The following PHRF1 variants were observed in gnomAD, a reference collection of about 807,000 sequenced individuals.
PHRF1 encodes the protein PHD and ring finger domains 1, also known as PHD and RING finger domain-containing protein 1.
In PHRF1, 53 loss-of-function variants were observed where a neutral mutation model predicts 128.9. The observed-to-expected ratio is 0.41, with a 90% CI of 0.33 to 0.52. PHRF1 has a LOEUF of 0.52. Ranked by LOEUF, PHRF1 falls within the 20% of genes least tolerant of loss-of-function variation. The pLI, the probability that PHRF1 is intolerant of heterozygous loss-of-function variation, is 0.21. For synonymous variants in PHRF1, 1,178 were observed against 980.6 expected, an observed-to-expected ratio of 1.20 and a Z score of -3.76; for missense variants, 2,503 against 2,284.5, an observed-to-expected ratio of 1.10 and a Z score of -1.95.
At chr11:580,173 A>C (rs1054859228) in intron 1 of PHRF1, among the ~76,000 whole-genome samples, 1 of 152,008 alleles carries the variant, frequency 6.6e-6, no homozygotes, top group African/African-American at 2.4e-5. Flanking sequence ...TTCCTGACTC[A>C]CTCTCCTAGG....
At chr11:589,573 T>A (rs1812022508) in intron 4 of PHRF1, among the ~76,000 whole-genome samples, 2 of 89,508 alleles carry the variant, frequency 2.2e-5, no homozygotes, top group South Asian at 5.1e-4. Flanking sequence ...CTGGACACAC[T>A]CGGGGGGGCA....
In PHRF1 at chr11:607,140, C is replaced by T. The variant is rs749351269; in HGVS notation, c.1684C>T (p.Arg562Ter). ...EEGFKGCLQP[R>*]ALPSGSPAQG... ...AGGATTCAAGGGCTGCCTGCAGCCC[C>T]GAGCACTGCCCTCCGGGAGCCCGGC... is the stretch of plus-strand genomic sequence containing the variant. The change falls in exon 14 of 18, where the codon CGA becomes TGA. Residue 562 changes from arginine (R) to a stop codon, truncating the protein, a stop_gained. Transcript: ENST00000264555. LOFTEE classifies it high-confidence loss of function. The T allele has an allele frequency of 6.2e-7, 1 of 1,612,900 alleles. No homozygotes were observed. The highest frequency in any genetic ancestry group is 1.3e-5 in the African/African-American group (1 of 74,948).
At position 608,451 on chromosome 11, in the gene PHRF1, T is replaced by C; in HGVS notation, c.2995T>C (p.Ser999Pro). 6.2e-7 allele frequency: 1 copy of C among 1,612,148 alleles called. No homozygotes were observed. The highest frequency in any genetic ancestry group is 8.5e-7 in the Non-Finnish European group (1 of 1,179,760). Residue 999 changes from serine to proline, a missense_variant, in exon 14 of 18, where the codon TCC becomes CCC. Physicochemically the swap from Ser to Pro is moderately conservative, Grantham distance 74. Transcript: ENST00000264555. ...TTCCCGGTCCCGCTCCACATCCAGCTCCCGCAGCAGGAAGAAGGCCAAGAG... is the reference window on the plus strand; with the variant it reads ...TTCCCGGTCCCGCTCCACATCCAGCCCCCGCAGCAGGAAGAAGGCCAAGAG... Reference protein sequence around the residue: ...PPSRSRSTSSSRSRKKAKRKR... With the variant: ...PPSRSRSTSSPRSRKKAKRKR...
At position 612,010 on chromosome 11, in the gene PHRF1, TAG is replaced by T. The variant is rs1302584585; in HGVS notation, c.*237_*238del. On this transcript the variant is annotated 3_prime_UTR_variant, in exon 18 of 18. Coordinates refer to ENST00000264555, the MANE Select transcript of PHRF1 (RefSeq NM_001286581.2). ...ACTGGACACTTTTGTATGTATATTA[TAG>T]AGACACTGTTTCCATTCTAATTTAT... 14 of 570,446 alleles carry T rather than the reference TAG, an allele frequency of 2.5e-5. No individual in the cohort carries two copies. Among genetic ancestry groups the T allele is most frequent in the Middle Eastern group, 9.1e-4 (2 of 2,190 alleles). 35.3% of individuals were successfully genotyped at this position (570,446 alleles called of 1,614,324 possible). A position where few individuals can be genotyped will look rare whatever the true frequency, so the allele number is the denominator to read the frequency against.
intron 6 of PHRF1, 92 bp downstream of exon 6, chr11:592,766 T>G (rs1292587268): frequency 1.4e-6 from 2 of 1,393,858 alleles, no homozygotes; most frequent in Middle Eastern, 2.2e-4. Context: ...CTCTGTGAAG[T>G]CTGAGTCCCA....
Position 610,285 on chromosome 11 carries a change from G to T in PHRF1, c.4354G>T (p.Glu1452Ter). Reference protein sequence around the residue: ...APTGVRQVFSELPFPSHVLPE... With the variant: ...APTGVRQVFS ...CACAGGGGTCAGGCAGGTGTTCTCC[G>T]AGCTGCCCTTTCCCAGTCACGTGCT... The change falls in exon 15 of 18, where the codon GAG becomes TAG. Residue 1452 changes from glutamate (E) to a stop codon, truncating the protein, a stop_gained. Coordinates refer to ENST00000264555, the MANE Select transcript of PHRF1 (RefSeq NM_001286581.2). LOFTEE classifies it high-confidence loss of function. 1 of 1,561,750 alleles carries T rather than the reference G, an allele frequency of 6.4e-7. No homozygotes were observed. Among genetic ancestry groups the T allele is most frequent in the Non-Finnish European group, 8.7e-7 (1 of 1,153,046 alleles).
chr11:605,628 C>G lies in PHRF1; in HGVS notation c.1358C>G (p.Pro453Arg). 1 of 1,613,808 alleles carries G rather than the reference C, an allele frequency of 6.2e-7. No homozygotes were observed. The highest frequency in any genetic ancestry group is 8.5e-7 in the Non-Finnish European group (1 of 1,179,872). The change falls in exon 12 of 18, where the codon CCT becomes CGT. Residue 453 changes from proline to arginine, a missense_variant. By Grantham distance (103) the Pro-to-Arg change is moderately radical. Transcript: ENST00000264555. ...FDSSEELSAN[P>R]LSPLSAKRRA... ...AGCAGTGAAGAGCTTTCTGCAAACCCTCTTTCCCCTCTGAGTGCCAAGAGA... is the reference window on the plus strand; with the variant it reads ...AGCAGTGAAGAGCTTTCTGCAAACCGTCTTTCCCCTCTGAGTGCCAAGAGA...
chr11:591,466 AG>A lies in PHRF1; in HGVS notation c.504+1del, dbSNP rs1854968118. On this transcript the variant is annotated frameshift_variant and splice_region_variant, in exon 5 of 18. Transcript: ENST00000264555. LOFTEE classifies it high-confidence loss of function. ...CAATTTGGTGGTAAAATCTTAAGAA[AG>A]GTGAGTGTGGACGCTGCCGTGGAGG... ...RAQFGGKILRKIPVENTKASE... is the reference protein window; with the variant it reads ...RAQFGGKILRXIPVENTKASE... 6.2e-7 allele frequency: 1 copy of A among 1,607,494 alleles called. No individual in the cohort carries two copies. Among genetic ancestry groups the A allele is most frequent in the Non-Finnish European group, 8.5e-7 (1 of 1,176,936 alleles).
At chr11:599,239 T>C (rs1855487390) in intron 9 of PHRF1, among the ~76,000 whole-genome samples, 1 of 148,948 alleles carries the variant, frequency 6.7e-6, no homozygotes, top group African/African-American at 2.5e-5. Context: ...ACTTTTTCTT[T>C]TTTTTTTTCT....
intron 9 of PHRF1, among the ~76,000 whole-genome samples, chr11:600,508 A>ATAT (rs1273117711): frequency 6.8e-6 from 1 of 146,842 alleles, no homozygotes; most frequent in East Asian, 2.0e-4. Context: ...ATATATATAT[A>ATAT]TATATATATA....
Position 610,583 on chromosome 11 carries a change from A to G in PHRF1, c.4499A>G (p.Gln1500Arg). ...PCALVSQPTV[Q>R]FILQGSLPLV... ...GCACTGGTCAGCCAGCCCACGGTCC[A>G]GTTCATCCTTCAGGGGAGCCTGCCG... The change falls in exon 16 of 18, where the codon CAG (glutamine) becomes CGG (arginine). Residue 1500 changes from glutamine (Q) to arginine (R), a missense_variant. By Grantham distance (43) the Gln-to-Arg change is conservative. Coordinates refer to ENST00000264555, the MANE Select transcript of PHRF1 (RefSeq NM_001286581.2). 6.2e-7 allele frequency: 1 copy of G among 1,606,612 alleles called. No homozygotes were observed. The highest frequency in any genetic ancestry group is 8.5e-7 in the Non-Finnish European group (1 of 1,179,740).
chr11:608,818 G>T lies in PHRF1; in HGVS notation c.3362G>T (p.Arg1121Met). The T allele has an allele frequency of 6.2e-7, 1 of 1,612,138 alleles. No individual in the cohort carries two copies. Residue 1121 changes from arginine (R) to methionine (M), a missense_variant, in exon 14 of 18, where the codon AGG (arginine) becomes ATG (methionine). Arg to Met is a moderately conservative substitution (Grantham distance 91). Coordinates refer to ENST00000264555, the MANE Select transcript of PHRF1 (RefSeq NM_001286581.2). ...KRRSASRPRGRECSPTSSLER... is the reference protein window; with the variant it reads ...KRRSASRPRGMECSPTSSLER... The stretch of plus-strand genomic sequence containing the variant: ...AGATCAGCGTCCAGACCTCGGGGAA[G>T]GGAGTGCTCCCCCACCAGCAGCCTG...
At chr11:577,378 G>A (rs969650325) in intron 1 of PHRF1, among the ~76,000 whole-genome samples, 2 of 152,242 alleles carry the variant, frequency 1.3e-5, no homozygotes, top group African/African-American at 4.8e-5. Flanking sequence ...ACAGCAGTCA[G>A]CTGGGTGAAC....
chr11:609,369 C>T lies in PHRF1; in HGVS notation c.3913C>T (p.Leu1305=). 4.3e-6 allele frequency: 7 copies of T among 1,612,092 alleles called. No individual in the cohort carries two copies. Among genetic ancestry groups the T allele is most frequent in the African/African-American group, 1.3e-5 (1 of 75,070 alleles). Residue 1305 remains leucine (L), a synonymous_variant, in exon 14 of 18, where the codon CTG becomes TTG. Transcript: ENST00000264555. ...CTCTTCCCCGGAGCGAGACTTCCCA[C>T]TGAAGCCTGCGTTGCCCCCAGCCAG... ...TDSSPERDFP[L]KPALPPASLA... is the part of the protein sequence containing the mutation.
At chr11:589,355 C>T (rs542533907) in intron 4 of PHRF1, among the ~76,000 whole-genome samples, 4 of 152,186 alleles carry the variant, frequency 2.6e-5, no homozygotes, top group Admixed American at 2.0e-4. Flanking sequence ...ATGCTGATTC[C>T]GTCCTTCCCA....
intron 6 of PHRF1, among the ~76,000 whole-genome samples, chr11:593,586 A>G (rs1466152254): frequency 1.3e-5 from 2 of 151,980 alleles, no homozygotes; most frequent in East Asian, 1.9e-4. Context: ...CCTCTGCTCC[A>G]CTCACGCTGT....
chr11:588,112 C>T lies in PHRF1; in HGVS notation c.420+648C>T, dbSNP rs558785113. On this transcript the variant is annotated intron_variant, in intron 4 of 17. Transcript: ENST00000264555. ...ACCTCTTGACTCCCTCCCCTCCCTG[C>T]GATTGCACCAGCAGCCCGTGCTGTC... Among the ~76,000 whole-genome samples, 3 of 152,268 alleles carry T rather than the reference C, an allele frequency of 2.0e-5. No homozygotes were observed. The East Asian group carries it at 5.8e-4, about 29-fold the overall frequency.
intron 3 of PHRF1, among the ~76,000 whole-genome samples, 153 bp from the exon 4 acceptor site, chr11:587,106 C>T (rs562328202): frequency 3.3e-5 from 5 of 152,192 alleles, no homozygotes; most frequent in East Asian, 3.9e-4. Context: ...ATGTGCTGAG[C>T]GTGGACGTGG....
At chr11:584,424 CAG>C (rs780459965) in intron 3 of PHRF1, among the ~76,000 whole-genome samples, 31 of 152,190 alleles carry the variant, frequency 2.0e-4, no homozygotes, top group Non-Finnish European at 3.1e-4. Flanking sequence ...TAGCAGCAAA[CAG>C]TGCGCCAAGC....
Sources: allele counts gnomAD v4.1 joint callset (sites outside exome capture counted in the v4.1 genomes callset), GRCh38; gene constraint gnomAD v4.1.1; transcripts MANE v1.5; gene names NCBI Gene and HGNC (gene_info 2026-07-23, HGNC 2026-07-21).